Variants in SEC23B observed in about 807,000 individuals in gnomAD.
The protein encoded by SEC23B is protein transport protein Sec23B.
SEC23B carries 77 observed loss-of-function variants against 104.3 expected under a neutral mutation model. The ratio of observed to expected loss-of-function variants is 0.74; its 90% CI spans 0.61 to 0.89. The LOEUF is 0.89. Ranked by LOEUF, SEC23B falls within the 40% of genes least tolerant of loss-of-function variation. The probability of loss-of-function intolerance (pLI) is 0.00; values close to 1 mark genes in which losing one functional copy is unlikely to be tolerated. For synonymous variants in SEC23B, 338 were observed against 332.5 expected (o/e 1.02, Z -0.18); for missense variants, 885 against 949.4 (o/e 0.93, Z 0.89).
At chr20:18,530,129 G>A (rs996918072) in intron 9 of SEC23B, among the ~76,000 whole-genome samples, 1 of 152,200 alleles carries the variant, frequency 6.6e-6, no homozygotes, top group African/African-American at 2.4e-5. Context: ...AGAACTGTGA[G>A]AGGAATTAGA....
At chr20:18,518,156 G>A (rs111874650) in intron 4 of SEC23B, among the ~76,000 whole-genome samples, 19 of 152,162 alleles carry the variant, frequency 1.2e-4, no homozygotes, top group African/African-American at 4.1e-4. Flanking sequence ...AGGCTGGTCC[G>A]TTATCGGACT....
intron 4 of SEC23B, among the ~76,000 whole-genome samples, chr20:18,522,367 C>T (rs190314910): frequency 3.5e-4 from 53 of 152,268 alleles, no homozygotes; most frequent in Middle Eastern, 3.4e-3. Flanking sequence ...AGTCCGTGAC[C>T]GGCGCGTTTT....
At chr20:18,555,057 TTAA>T in intron 18 of SEC23B, 48 bp from the exon 19 acceptor site, 2 of 1,521,678 alleles carry the variant, frequency 1.3e-6, no homozygotes, top group Non-Finnish European at 1.8e-6. Flanking sequence ...TACATTAATA[TTAA>T]TGTCACTTTT....
intron 1 of SEC23B, among the ~76,000 whole-genome samples, chr20:18,509,305 C>A (rs1220617086): frequency 6.6e-6 from 1 of 152,144 alleles, no homozygotes; most frequent in African/African-American, 2.4e-5. Flanking sequence ...TCTAGCCATG[C>A]AATATTATTG....
chr20:18,535,068 C>T (rs1486463599), intron 11 of SEC23B, among the ~76,000 whole-genome samples: 1 of 152,140 alleles, frequency 6.6e-6, no homozygotes, highest in African/African-American at 2.4e-5. Context: ...AGAGTGCACC[C>T]TCTCCGCTCT....
At chr20:18,530,855 T>G (rs1220570622) in intron 10 of SEC23B, 52 bp downstream of exon 10, 1 of 1,487,372 alleles carries the variant, frequency 6.7e-7, no homozygotes, top group Non-Finnish European at 9.3e-7. Context: ...CTGCCCAGGC[T>G]GGTCTCAAAC....
At chr20:18,547,274 T>G (rs2060341304) in intron 15 of SEC23B, among the ~76,000 whole-genome samples, 1 of 152,158 alleles carries the variant, frequency 6.6e-6, no homozygotes, top group South Asian at 2.1e-4. Flanking sequence ...TTTCCTCACC[T>G]GTAAACTAGG....
At chr20:18,521,868 C>T (rs952118722) in intron 4 of SEC23B, among the ~76,000 whole-genome samples, 1 of 152,156 alleles carries the variant, frequency 6.6e-6, no homozygotes, top group Non-Finnish European at 1.5e-5. Context: ...GCCTGGACGT[C>T]AGGCACCTCA....
chr20:18,535,307 C>T (rs900143317), intron 11 of SEC23B, among the ~76,000 whole-genome samples: 1 of 150,894 alleles, frequency 6.6e-6, no homozygotes, highest in East Asian at 2.0e-4. Context: ...CCCAGGAGGT[C>T]GAGGCTGCAG....
chr20:18,524,752 C>A, intron 5 of SEC23B, 83 bp downstream of exon 5: 1 of 1,310,892 alleles, frequency 7.6e-7, no homozygotes. Context: ...GCCTGTAGCC[C>A]AGGCTGGAGT....
Position 18,527,587 on chromosome 20 carries a change from T to TG in SEC23B, c.1086dup (p.Lys363GlufsTer32), listed in dbSNP as rs1168342840. The TG allele has an allele frequency of 6.2e-7, 1 of 1,607,462 alleles. No homozygotes were observed. Among genetic ancestry groups the TG allele is most frequent in the African/African-American group, 1.3e-5 (1 of 74,796 alleles). On this transcript the variant is annotated frameshift_variant, in exon 9 of 20. Coordinates refer to ENST00000650089, the MANE Select transcript of SEC23B (RefSeq NM_006363.6). LOFTEE classifies it high-confidence loss of function. ...CTTGATCAAACTGGACTTTTGGAGA[T>TG]GAAGTGTTGTGCAAATCTTACTGGG... is the stretch of plus-strand genomic sequence containing the variant.
Position 18,555,174 on chromosome 20 carries a change from G to A in SEC23B, c.2214+1G>A, listed in dbSNP as rs772517810. 6.2e-7 allele frequency: 1 copy of A among 1,612,136 alleles called. No homozygotes were observed. The highest frequency in any genetic ancestry group is 1.1e-5 in the South Asian group (1 of 91,016). On this transcript the variant is annotated splice_donor_variant, in intron 19 of 19. Transcript: ENST00000650089. LOFTEE classifies it high-confidence loss of function. ...CAATAACCTGTATGCTTGGGGACAG[G>A]TAAGAAATCTTCAGGTATTTGGGGA...
intron 13 of SEC23B, among the ~76,000 whole-genome samples, chr20:18,542,684 G>A (rs1210414411): frequency 6.6e-6 from 1 of 152,070 alleles, no homozygotes; most frequent in Non-Finnish European, 1.5e-5. Context: ...GCCCAAGCTG[G>A]AGTACAGTGG....
chr20:18,523,961 C>A (rs1194320433), intron 4 of SEC23B, among the ~76,000 whole-genome samples: 4 of 152,152 alleles, frequency 2.6e-5, no homozygotes, highest in Non-Finnish European at 1.5e-5. Flanking sequence ...AGCAATCCTC[C>A]CATCTTAGCC....
intron 12 of SEC23B, among the ~76,000 whole-genome samples, chr20:18,540,274 A>G (rs1363250858): frequency 1.3e-5 from 2 of 152,232 alleles, no homozygotes; most frequent in Non-Finnish European, 2.9e-5. Flanking sequence ...TGCAGAACGG[A>G]TGTTGTGTTA....
intron 12 of SEC23B, among the ~76,000 whole-genome samples, chr20:18,536,795 T>G (rs898470675): frequency 2.0e-5 from 3 of 152,168 alleles, no homozygotes; most frequent in Non-Finnish European, 4.4e-5. Flanking sequence ...GATTAACACA[T>G]ATTTTGTAAG....
At chr20:18,528,170 C>T (rs895858359) in intron 9 of SEC23B, among the ~76,000 whole-genome samples, 2 of 152,132 alleles carry the variant, frequency 1.3e-5, no homozygotes, top group Admixed American at 6.5e-5. Context: ...TATTTCTAGG[C>T]CTTACCCAGA....
At chr20:18,513,851 G>T (rs530982628) in intron 3 of SEC23B, among the ~76,000 whole-genome samples, 2 of 152,290 alleles carry the variant, frequency 1.3e-5, no homozygotes, top group South Asian at 4.1e-4. Flanking sequence ...TCTGTAGCCA[G>T]ACTGCCTGGG....
chr20:18,542,178 T>C, intron 12 of SEC23B, 118 bp from the exon 13 acceptor site: 1 of 896,298 alleles, frequency 1.1e-6, no homozygotes, highest in South Asian at 1.3e-5. Context: ...CCCTTCAAAA[T>C]GTGTCAAGAA....
Sources: gnomAD v4.1 joint callset for allele counts (sites outside exome capture counted in the v4.1 genomes callset) on GRCh38, gnomAD v4.1.1 for gene constraint, MANE v1.5 for transcripts, NCBI Gene and HGNC (gene_info 2026-07-23, HGNC 2026-07-21) for gene names.